The following MELTF variants were observed in gnomAD, a reference collection of about 807,000 sequenced individuals.
The protein encoded by MELTF is antigen p97 (melanoma associated) identified by monoclonal antibodies 133.2 and 96.5.
MELTF carries 67 observed loss-of-function variants against 83.7 expected under a neutral mutation model. That is an observed-to-expected ratio of 0.80 (90% CI 0.66 to 0.98). The LOEUF (loss-of-function observed/expected upper bound fraction) is 0.98, where lower values mean the gene tolerates loss of function less well. Ranked by LOEUF, MELTF falls within the 50% of genes least tolerant of loss-of-function variation. The probability of loss-of-function intolerance (pLI) is 0.00; values close to 1 mark genes in which losing one functional copy is unlikely to be tolerated. For missense variants in MELTF, 1,002 were observed against 1,035.6 expected (o/e 0.97, Z 0.44); for synonymous variants, 462 against 447.6 (o/e 1.03, Z -0.41).
chr3:197,019,446 T>C (rs1719530122), intron 6 of MELTF: 1 of 1,435,640 alleles, frequency 7.0e-7, no homozygotes, highest in Non-Finnish European at 9.1e-7. Flanking sequence ...CAGATTACCA[T>C]CAACACTTTG....
chr3:197,010,742 C>A lies in MELTF; in HGVS notation c.1286G>T (p.Gly429Val). 1 of 1,613,760 alleles carries A rather than the reference C, an allele frequency of 6.2e-7. No individual in the cohort carries two copies. The highest frequency in any genetic ancestry group is 8.5e-7 in the Non-Finnish European group (1 of 1,180,038). ...TLSGEDIYTAGKTYGLVPAAG... is the reference protein window; with the variant it reads ...TLSGEDIYTAVKTYGLVPAAG... ...TGCGGGAACCAGGCCGTACGTCTTC[C>A]CCGCCGTGTAAATGTCCTCGCCACT... The change falls in exon 10 of 16, where the codon GGG becomes GTG. Residue 429 changes from glycine (G) to valine (V), a missense_variant. Coordinates refer to ENST00000296350, the MANE Select transcript of MELTF (RefSeq NM_005929.6).
At chr3:197,010,370 C>T (rs1719144108) in intron 10 of MELTF, among the ~76,000 whole-genome samples, 1 of 152,254 alleles carries the variant, frequency 6.6e-6, no homozygotes, top group Admixed American at 6.5e-5. Flanking sequence ...AACTACGAGG[C>T]CTGCTCTTGT....
chr3:197,014,231 C>T (rs1023297683), intron 9 of MELTF, among the ~76,000 whole-genome samples: 3 of 151,996 alleles, frequency 2.0e-5, no homozygotes, highest in Non-Finnish European at 4.4e-5. Context: ...TGGGGGACAC[C>T]GTGTTATGTG....
At chr3:197,027,053 A>G in intron 2 of MELTF, 1 of 388,476 alleles carries the variant, frequency 2.6e-6, no homozygotes. Context: ...GTGACAAGTG[A>G]GTCTCCCTCG....
At chr3:197,027,710 G>C in intron 2 of MELTF, 46 bp downstream of exon 2, 1 of 1,574,092 alleles carries the variant, frequency 6.4e-7, no homozygotes, top group Non-Finnish European at 8.7e-7. Context: ...GCTCCCTCCT[G>C]AGTCACAGCC....
Position 197,003,796 on chromosome 3 carries a change from C to G in MELTF, c.2137+105G>C. 7.9e-7 allele frequency: 1 copy of G among 1,272,466 alleles called. No individual in the cohort carries two copies. Among genetic ancestry groups the G allele is most frequent in the South Asian group, 1.4e-5 (1 of 72,928 alleles). The allele number at this position is 1,272,466 out of a possible 1,614,324, so 78.8% of individuals were successfully genotyped here. On this transcript the variant is annotated intron_variant, in intron 15 of 15. Coordinates refer to ENST00000296350, the MANE Select transcript of MELTF (RefSeq NM_005929.6). This position sits in a 1 kb window ranked among gnomAD's most constrained non-coding sequence, Gnocchi z 6.2. ...CCCACCTGGACTGCTGCGAACGGGC[C>G]TCCACCCGCCTCCCCGGACCCGCAG... is the stretch of plus-strand genomic sequence containing the variant.
Position 197,024,160 on chromosome 3 carries a change from G to T in MELTF, c.487+143C>A. On this transcript the variant is annotated intron_variant, in intron 4 of 15. Transcript: ENST00000296350. The surrounding 1 kb of genome is among the most constrained non-coding windows in gnomAD (Gnocchi z 5.3). ...GGCAGAGTGGAGGCGGGGGAGGCAC[G>T]GGGCGGGCGGGGGCTGCTGCGCCTT... The T allele has an allele frequency of 2.3e-6, 2 of 856,154 alleles. No individual in the cohort carries two copies. Among genetic ancestry groups the T allele is most frequent in the African/African-American group, 1.7e-5 (1 of 58,926 alleles). The allele number at this position is 856,154 out of a possible 1,614,324, so 53.0% of individuals were successfully genotyped here. A position where few individuals can be genotyped will look rare whatever the true frequency, so the allele number is the denominator to read the frequency against.
intron 6 of MELTF, among the ~76,000 whole-genome samples, chr3:197,017,839 T>G (rs796602257): frequency 3.9e-4 from 59 of 152,206 alleles, no homozygotes; most frequent in African/African-American, 1.3e-3. Context: ...ATCACGCCAC[T>G]GCACTCCAGC....
At chr3:197,026,561 C>A in intron 3 of MELTF, 99 bp downstream of exon 3, 1 of 1,051,430 alleles carries the variant, frequency 9.5e-7, no homozygotes, top group South Asian at 1.3e-5. Context: ...GCTCTGTGGA[C>A]AGGGCTGATG....
rs1422834939 is a variant in MELTF, at chr3:197,022,951, G to A, written c.644+6C>T. The stretch of plus-strand genomic sequence containing the variant: ...CTCGGCCCCTCCCTGCCCCCACTCC[G>A]CTCACCGGAAGGCCCCGCTGTAGTC... On this transcript the variant is annotated splice_donor_region_variant and intron_variant, in intron 5 of 15. Coordinates refer to ENST00000296350, the MANE Select transcript of MELTF (RefSeq NM_005929.6). The surrounding 1 kb of genome is among the most constrained non-coding windows in gnomAD (Gnocchi z 5.1). 1.7e-5 allele frequency: 28 copies of A among 1,602,210 alleles called. No individual in the cohort carries two copies. The highest frequency in any genetic ancestry group is 5.2e-5 in the Admixed American group (3 of 57,460).
chr3:197,015,342 C>A, intron 9 of MELTF, 23 bp downstream of exon 9: 2 of 1,541,650 alleles, frequency 1.3e-6, no homozygotes, highest in Non-Finnish European at 8.8e-7. Context: ...ACCTGGCCCA[C>A]GCTGCACCTG....
intron 9 of MELTF, among the ~76,000 whole-genome samples, chr3:197,012,395 A>C (rs1719218277): frequency 6.6e-6 from 1 of 152,238 alleles, no homozygotes; most frequent in South Asian, 2.1e-4. Flanking sequence ...GATGATCCAC[A>C]CAATGGCCCT....
chr3:197,027,217 G>A (rs1167960442), intron 2 of MELTF, among the ~76,000 whole-genome samples: 1 of 152,170 alleles, frequency 6.6e-6, no homozygotes, highest in Non-Finnish European at 1.5e-5. Context: ...TAGGTCTTGG[G>A]GGCATATGGG....
chr3:197,016,126 G>T, intron 8 of MELTF, 63 bp downstream of exon 8: 2 of 1,387,036 alleles, frequency 1.4e-6, no homozygotes, highest in Non-Finnish European at 1.9e-6. Flanking sequence ...TTCCCAGAGA[G>T]CCTCGCCATG....
Position 197,022,967 on chromosome 3 carries a change from C to G in MELTF, c.634G>C (p.Gly212Arg). 1 of 1,609,532 alleles carries G rather than the reference C, an allele frequency of 6.2e-7. No individual in the cohort carries two copies. Reference protein sequence around the residue: ...SPLERYYDYSGAFRCLAEGAG... With the variant: ...SPLERYYDYSRAFRCLAEGAG... ...CCCCACTCCGCTCACCGGAAGGCCCCGCTGTAGTCGTAGTATCTCTCCAGG... is the reference window on the plus strand; with the variant it reads ...CCCCACTCCGCTCACCGGAAGGCCCGGCTGTAGTCGTAGTATCTCTCCAGG... Residue 212 changes from glycine (G) to arginine (R), a missense_variant, in exon 5 of 16, where the codon GGG (glycine) becomes CGG (arginine). Physicochemically the swap from Gly to Arg is moderately radical, Grantham distance 125. Transcript: ENST00000296350. This position sits in a 1 kb window ranked among gnomAD's most constrained non-coding sequence, Gnocchi z 5.1.
chr3:197,021,611 C>T, intron 5 of MELTF, 140 bp from the exon 6 acceptor site: 1 of 732,920 alleles, frequency 1.4e-6, no homozygotes, highest in Non-Finnish European at 2.3e-6. Flanking sequence ...GTTCCAGCTC[C>T]CTGGCTGGTC....
intron 6 of MELTF, chr3:197,019,580 A>G: frequency 1.3e-6 from 2 of 1,583,148 alleles, no homozygotes; most frequent in South Asian, 1.1e-5. Flanking sequence ...CTCAAAAAAA[A>G]CCCCAAGTTT....
rs1273551527 is a variant in MELTF at position 197,022,220 on chromosome 3, C to T, written c.644+737G>A. 6.6e-6 allele frequency among the ~76,000 whole-genome samples: 1 copy of T among 152,030 alleles called. No homozygotes were observed. The highest frequency in any genetic ancestry group is 1.5e-5 in the Non-Finnish European group (1 of 68,020). Reference sequence around the variant, plus strand: ...TGGGTCCCCACGGGCAGAAAATGCACAGGGATTAGAGCAGATCGGGGCGGG... The same window carrying T: ...TGGGTCCCCACGGGCAGAAAATGCATAGGGATTAGAGCAGATCGGGGCGGG... On this transcript the variant is annotated intron_variant, in intron 5 of 15. Coordinates refer to ENST00000296350, the MANE Select transcript of MELTF (RefSeq NM_005929.6). This position sits in a 1 kb window ranked among gnomAD's most constrained non-coding sequence, Gnocchi z 5.1.
chr3:197,020,084 T>G (rs1719560715), intron 6 of MELTF, among the ~76,000 whole-genome samples: 1 of 152,154 alleles, frequency 6.6e-6, no homozygotes, highest in African/African-American at 2.4e-5. Flanking sequence ...TGCATGTAAA[T>G]TATATCTCAA....
Sources: allele counts gnomAD v4.1 joint callset (sites outside exome capture counted in the v4.1 genomes callset), GRCh38; gene constraint gnomAD v4.1.1; non-coding constraint Gnocchi (gnomAD v3.1); transcripts MANE v1.5; gene names NCBI Gene and HGNC (gene_info 2026-07-23, HGNC 2026-07-21).